Variants in RHCE observed in about 807,000 individuals in gnomAD.
The protein encoded by RHCE is blood group Rh(CE) polypeptide.
RHCE carries 22 observed loss-of-function variants against 43.8 expected under a neutral mutation model. The ratio of observed to expected loss-of-function variants is 0.50; its 90% CI spans 0.36 to 0.72. The LOEUF (loss-of-function observed/expected upper bound fraction) is 0.72. Among genes scored for constraint, RHCE ranks in the 30% least tolerant of loss-of-function variants. RHCE has a pLI of 0.00. For synonymous variants in RHCE, 156 were observed against 210.7 expected (o/e 0.74, Z 2.25); for missense variants, 385 against 525.4 (o/e 0.73, Z 2.61).
At chr1:25,388,879 G>C in intron 6 of RHCE, 97 bp downstream of exon 6, 1 of 1,585,384 alleles carries the variant, frequency 6.3e-7, no homozygotes. Flanking sequence ...ACCAACACCT[G>C]CCTAATGCAG....
At chr1:25,381,646 C>G (rs1277228694) in intron 7 of RHCE, among the ~76,000 whole-genome samples, 1 of 151,842 alleles carries the variant, frequency 6.6e-6, no homozygotes, top group Non-Finnish European at 1.5e-5. Context: ...TTGGTAGAAA[C>G]AGCGTTTCAC....
At chr1:25,421,642 C>T (rs604160), upstream of RHCE, among the ~76,000 whole-genome samples, 7,038 of 152,108 alleles carry the variant, frequency 0.046, 506 homozygotes, top group African/African-American at 0.16. Context: ...ATGAGCTTTA[C>T]GGGGCTTGGG....
chr1:25,400,459 CT>C (rs1297303386), intron 3 of RHCE, among the ~76,000 whole-genome samples: 2 of 151,214 alleles, frequency 1.3e-5, no homozygotes, highest in Non-Finnish European at 2.9e-5. Flanking sequence ...ACAATTCTGT[CT>C]CCTTTGCTGG....
At chr1:25,386,229 C>T (rs950703117) in intron 6 of RHCE, among the ~76,000 whole-genome samples, 2 of 152,188 alleles carry the variant, frequency 1.3e-5, no homozygotes, top group African/African-American at 4.8e-5. Flanking sequence ...TGGTCTCTCC[C>T]CACGAGCTGC....
Position 25,389,096 on chromosome 1 carries a change from C to T in RHCE, c.819G>A (p.Ala273=), listed in dbSNP as rs200423816. The T allele has an allele frequency of 8.7e-6, 14 of 1,613,944 alleles. No homozygotes were observed. Among genetic ancestry groups the T allele is most frequent in the Middle Eastern group, 1.6e-4 (1 of 6,084 alleles). The change falls in exon 6 of 10, where the codon GCG becomes GCA. Residue 273 remains alanine (A), a synonymous_variant. Transcript: ENST00000294413. ...RKISMTYVHS[A]VLAGGVAVGT... ...CCACAGCCACGCCTCCTGCCAACAC[C>T]GCACTGTGCACATAAGTCTGCAAAG...
chr1:25,389,375 G>A (rs1329270664), intron 5 of RHCE, among the ~76,000 whole-genome samples: 1 of 152,208 alleles, frequency 6.6e-6, no homozygotes, highest in East Asian at 1.9e-4. Flanking sequence ...AAGTCCAGGT[G>A]CTCAGCATCC....
chr1:25,383,122 T>C (rs3118462), intron 7 of RHCE, among the ~76,000 whole-genome samples: 24 of 152,332 alleles, frequency 1.6e-4, no homozygotes, highest in African/African-American at 4.8e-4. Context: ...TTCTCCCTGA[T>C]GTAATCAAAG....
intron 9 of RHCE, among the ~76,000 whole-genome samples, chr1:25,369,509 G>A (rs550494841): frequency 6.6e-6 from 1 of 151,630 alleles, no homozygotes; most frequent in South Asian, 2.1e-4. Context: ...AGGGGAGGCA[G>A]GGAGTGAGCT....
chr1:25,368,608 T>C (rs75986607), intron 9 of RHCE, among the ~76,000 whole-genome samples: 1 of 151,066 alleles, frequency 6.6e-6, no homozygotes, highest in East Asian at 1.9e-4. Context: ...TAAACCAAGG[T>C]ATAAAAGAAA....
intron 2 of RHCE, among the ~76,000 whole-genome samples, chr1:25,406,817 G>A (rs1453230283): frequency 1.7e-5 from 2 of 118,142 alleles, no homozygotes; most frequent in Non-Finnish European, 3.8e-5. Context: ...AGTCGAGACA[G>A]GGTTTCTCCG....
intron 8 of RHCE, among the ~76,000 whole-genome samples, chr1:25,370,915 A>ATTT (rs77875421): frequency 8.0e-6 from 1 of 124,762 alleles, no homozygotes; most frequent in Non-Finnish European, 1.7e-5. Flanking sequence ...CATCCAGCTA[A>ATTT]TTTTTTTTTT....
chr1:25,385,672 G>A (rs1355268480), intron 7 of RHCE, 39 bp downstream of exon 7: 1 of 1,613,762 alleles, frequency 6.2e-7, no homozygotes, highest in Non-Finnish European at 8.5e-7. Context: ...GAGTTGGAGG[G>A]GAGTGTTAAG....
chr1:25,371,243 T>C (rs1356503705), intron 8 of RHCE, among the ~76,000 whole-genome samples: 1 of 151,436 alleles, frequency 6.6e-6, no homozygotes, highest in Non-Finnish European at 1.5e-5. Flanking sequence ...CCTATAGGTC[T>C]GTCTTCTCTG....
chr1:25,384,784 G>A (rs910607353), intron 7 of RHCE, among the ~76,000 whole-genome samples: 3 of 152,194 alleles, frequency 2.0e-5, no homozygotes, highest in Non-Finnish European at 2.9e-5. Context: ...CCAGGTTCCA[G>A]CCGGGTGACC....
chr1:25,413,768 G>T (rs150610533), intron 1 of RHCE, among the ~76,000 whole-genome samples: 148 of 151,884 alleles, frequency 9.7e-4, no homozygotes, highest in Admixed American at 1.6e-3. Flanking sequence ...ATTTTAGAGA[G>T]GGGGAAAGGG....
intron 3 of RHCE, among the ~76,000 whole-genome samples, chr1:25,396,836 G>A (rs894930845): frequency 1.1e-4 from 16 of 152,092 alleles, no homozygotes; most frequent in East Asian, 1.9e-4. Context: ...CACTGAGGCC[G>A]GTTATGGTGG....
chr1:25,382,686 A>G (rs144193745), intron 7 of RHCE, among the ~76,000 whole-genome samples: 12,014 of 151,890 alleles, frequency 0.079, 1,468 homozygotes, highest in African/African-American at 0.27. Context: ...TTCACAGAGG[A>G]CAAGTTCAGG....
intron 6 of RHCE, among the ~76,000 whole-genome samples, chr1:25,386,397 C>T (rs1055907229): frequency 4.1e-4 from 62 of 152,214 alleles, no homozygotes; most frequent in Admixed American, 6.5e-4. Context: ...GGCCACACCT[C>T]TAGATCCCTA....
At chr1:25,379,481 ATATATATATATATATTTTTTTT>A (rs1195774964) in intron 7 of RHCE, among the ~76,000 whole-genome samples, 56 of 17,884 alleles carry the variant, frequency 3.1e-3, no homozygotes, top group East Asian at 0.013. Context: ...ATATATATAT[ATATATATATATATATTTTTTTT>A]TTTTTTTTTT....
Sources: gnomAD v4.1 joint callset for allele counts (sites outside exome capture counted in the v4.1 genomes callset) on GRCh38, gnomAD v4.1.1 for gene constraint, MANE v1.5 for transcripts, NCBI Gene and HGNC (gene_info 2026-07-23, HGNC 2026-07-21) for gene names.